NPS: variants seen among roughly 807,000 people sequenced by gnomAD.
NPS encodes the protein neuropeptide S, also known as prepro-neuropeptide S.
NPS carries 6 observed loss-of-function variants against 7.2 expected under a neutral mutation model. The observed-to-expected ratio is 0.83, with a 90% CI of 0.46 to 1.64. NPS has a LOEUF of 1.64. Ranked by LOEUF, NPS falls within the 40% of genes most tolerant of loss-of-function variation. The pLI is 0.01. For missense variants in NPS, 123 were observed against 97.8 expected (o/e 1.26, Z -1.09); for synonymous variants, 42 against 36.7 (o/e 1.14, Z -0.52).
rs771348423 is a variant in NPS at position 127,553,099 on chromosome 10, G to A, written c.*460G>A. On this transcript the variant is annotated 3_prime_UTR_variant, in exon 3 of 3. Coordinates refer to ENST00000398023, the MANE Select transcript of NPS (RefSeq NM_001030013.2). ...GATGTGCTATTTCTGTTTCTAAGGG[G>A]CTTGTGAAGTTAACCAAAATTAAGG... Among the ~76,000 whole-genome samples the A allele has an allele frequency of 2.6e-5, 4 of 151,996 alleles. No individual in the cohort carries two copies. The highest frequency in any genetic ancestry group is 5.9e-5 in the Non-Finnish European group (4 of 68,018).
Position 127,553,486 on chromosome 10 carries a change from G to T in NPS, c.*847G>T, listed in dbSNP as rs115658690. Reference sequence around the variant, plus strand: ...CACTCCTTTTTTAAAAGGATAATGCGACATTGGTTGACGTGTTATTTCAAA... The same window carrying T: ...CACTCCTTTTTTAAAAGGATAATGCTACATTGGTTGACGTGTTATTTCAAA... On this transcript the variant is annotated 3_prime_UTR_variant, in exon 3 of 3. Coordinates refer to ENST00000398023, the MANE Select transcript of NPS (RefSeq NM_001030013.2). Among the ~76,000 whole-genome samples the T allele has an allele frequency of 8.9e-4, 136 of 152,194 alleles. No homozygotes were observed. Among genetic ancestry groups the T allele is most frequent in the African/African-American group, 2.8e-3 (115 of 41,518 alleles).
At chr10:127,551,598 G>A (rs932780813) in intron 2 of NPS, among the ~76,000 whole-genome samples, 3 of 152,112 alleles carry the variant, frequency 2.0e-5, no homozygotes, top group Non-Finnish European at 1.5e-5. Context: ...TTGTTTAGGA[G>A]TAGGACAAGA....
chr10:127,551,250 A>AG (rs965379064), intron 2 of NPS, among the ~76,000 whole-genome samples: 3 of 126,300 alleles, frequency 2.4e-5, no homozygotes, highest in African/African-American at 1.1e-4. Context: ...GAGATGAAAA[A>AG]GGGGGGAAAA....
chr10:127,549,438 T>C (rs769737208), intron 1 of NPS, 51 bp from the exon 2 acceptor site: 1 of 1,586,892 alleles, frequency 6.3e-7, no homozygotes, highest in South Asian at 1.1e-5. Context: ...TTTTACTTAT[T>C]CTTGCCTACT....
intron 2 of NPS, among the ~76,000 whole-genome samples, chr10:127,551,405 G>A (rs549661643): frequency 1.4e-4 from 21 of 152,080 alleles, no homozygotes; most frequent in African/African-American, 4.8e-4. Context: ...ACAGTAACCT[G>A]AGACCACACT....
At chr10:127,550,934 G>A (rs1591157217) in intron 2 of NPS, among the ~76,000 whole-genome samples, 1 of 152,160 alleles carries the variant, frequency 6.6e-6, no homozygotes. Flanking sequence ...TGCCTTCGAC[G>A]ATCAGCAAAG....
Position 127,552,577 on chromosome 10 carries a change from T to C in NPS, c.208T>C (p.Ser70Pro). The C allele has an allele frequency of 6.2e-7, 1 of 1,613,584 alleles. No individual in the cohort carries two copies. The highest frequency in any genetic ancestry group is 8.5e-7 in the Non-Finnish European group (1 of 1,179,510). ...PILEKMFVKR[S>P]FRNGVGTGMK... ...TTTGGAGAAGATGTTTGTGAAAAGG[T>C]CCTTTCGCAATGGAGTTGGCACAGG... The change falls in exon 3 of 3, where the codon TCC (serine) becomes CCC (proline). Residue 70 changes from serine (S) to proline (P), a missense_variant. Coordinates refer to ENST00000398023, the MANE Select transcript of NPS (RefSeq NM_001030013.2).
rs1033576586 is a variant in NPS at position 127,553,271 on chromosome 10, T to A, written c.*632T>A. Among the ~76,000 whole-genome samples the A allele has an allele frequency of 1.3e-5, 2 of 152,144 alleles. No homozygotes were observed. The highest frequency in any genetic ancestry group is 4.8e-5 in the African/African-American group (2 of 41,444). On this transcript the variant is annotated 3_prime_UTR_variant, in exon 3 of 3. Transcript: ENST00000398023. ...TTGTTTTGTTGTCTTGTCTTGGAAATTTGTTGCCTTTTAAAATCTTTAAGC... is the reference window on the plus strand; with the variant it reads ...TTGTTTTGTTGTCTTGTCTTGGAAAATTGTTGCCTTTTAAAATCTTTAAGC...
At chr10:127,549,640 A>C in intron 2 of NPS, 70 bp downstream of exon 2, 1 of 933,134 alleles carries the variant, frequency 1.1e-6, no homozygotes, top group Non-Finnish European at 1.8e-6. Flanking sequence ...AATTCCAAAT[A>C]CTTTCAAGGA....
intron 2 of NPS, among the ~76,000 whole-genome samples, chr10:127,551,870 G>C (rs1040139854): frequency 6.6e-6 from 1 of 152,164 alleles, no homozygotes; most frequent in Non-Finnish European, 1.5e-5. Flanking sequence ...TTGAACTTCA[G>C]GTTCCTGAAG....
In NPS at chr10:127,552,608, A is replaced by G. The variant is rs747486262; in HGVS notation, c.239A>G (p.Lys80Arg). The G allele has an allele frequency of 1.4e-5, 23 of 1,613,658 alleles. No individual in the cohort carries two copies. The South Asian group carries it at 2.3e-4, about 16-fold the overall frequency. The change falls in exon 3 of 3, where the codon AAA becomes AGA. Residue 80 changes from lysine to arginine, a missense_variant. Coordinates refer to ENST00000398023, the MANE Select transcript of NPS (RefSeq NM_001030013.2). ...SFRNGVGTGM[K>R]KTSFQRAKS ...CGCAATGGAGTTGGCACAGGGATGA[A>G]AAAAACTTCCTTTCAAAGAGCAAAA...
intron 2 of NPS, among the ~76,000 whole-genome samples, chr10:127,551,684 C>T (rs139417493): frequency 6.6e-6 from 1 of 152,284 alleles, no homozygotes; most frequent in African/African-American, 2.4e-5. Flanking sequence ...TTTGTATTAG[C>T]ATCTTATCAG....
intron 2 of NPS, among the ~76,000 whole-genome samples, chr10:127,550,852 G>A (rs1360877091): frequency 2.0e-5 from 3 of 152,230 alleles, no homozygotes; most frequent in East Asian, 3.9e-4. Context: ...TATTTGTTGC[G>A]AACTTCACTG....
Position 127,552,645 on chromosome 10 carries a change from T to G in NPS, c.*6T>G, listed in dbSNP as rs201472687. 1 of 1,597,622 alleles carries G rather than the reference T, an allele frequency of 6.3e-7. No individual in the cohort carries two copies. The highest frequency in any genetic ancestry group is 1.3e-5 in the African/African-American group (1 of 74,684). ...TTCAAAGAGCAAAATCATGACTAAG[T>G]GTGCAAAGGACTCGGGGAATTAATC... On this transcript the variant is annotated 3_prime_UTR_variant, in exon 3 of 3. Transcript: ENST00000398023.
intron 2 of NPS, among the ~76,000 whole-genome samples, chr10:127,551,793 C>A (rs1363212494): frequency 4.6e-5 from 7 of 152,168 alleles, no homozygotes; most frequent in Non-Finnish European, 8.8e-5. Flanking sequence ...TTGGAATCTC[C>A]AGCCCTGTCA....
In NPS at chr10:127,550,996, T is replaced by C. The variant is rs186661786; in HGVS notation, c.90+1426T>C. Among the ~76,000 whole-genome samples the C allele has an allele frequency of 4.6e-4, 70 of 152,308 alleles. 3 individuals are homozygous for C. The highest frequency in any genetic ancestry group is 1.6e-3 in the African/African-American group (65 of 41,578). On this transcript the variant is annotated intron_variant, in intron 2 of 2. Coordinates refer to ENST00000398023, the MANE Select transcript of NPS (RefSeq NM_001030013.2). ...TCAGGAATCTCATAACCAGAACTGA[T>C]ACATTCCTTTTGCAGTATAAAGGTG...
chr10:127,552,578 C>T lies in NPS; in HGVS notation c.209C>T (p.Ser70Phe), dbSNP rs780005663. ...PILEKMFVKR[S>F]FRNGVGTGMK... ...TTGGAGAAGATGTTTGTGAAAAGGTCCTTTCGCAATGGAGTTGGCACAGGG... is the reference window on the plus strand; with the variant it reads ...TTGGAGAAGATGTTTGTGAAAAGGTTCTTTCGCAATGGAGTTGGCACAGGG... Residue 70 changes from serine (S) to phenylalanine (F), a missense_variant, in exon 3 of 3, where the codon TCC (serine) becomes TTC (phenylalanine). Physicochemically the swap from Ser to Phe is radical, Grantham distance 155. Coordinates refer to ENST00000398023, the MANE Select transcript of NPS (RefSeq NM_001030013.2). The T allele has an allele frequency of 6.8e-6, 11 of 1,613,562 alleles. No homozygotes were observed. The highest frequency in any genetic ancestry group is 9.3e-6 in the Non-Finnish European group (11 of 1,179,642).
rs1844870847 is a variant in NPS, at chr10:127,552,801, A to T, written c.*162A>T. ...AGTAAATTGAGTAAAAAAAGAAAAA[A>T]AATGTAAACATGTCTCAAACCTGTC... On this transcript the variant is annotated 3_prime_UTR_variant, in exon 3 of 3. Transcript: ENST00000398023. 6.6e-6 allele frequency among the ~76,000 whole-genome samples: 1 copy of T among 152,174 alleles called. No homozygotes were observed. Among genetic ancestry groups the T allele is most frequent in the South Asian group, 2.1e-4 (1 of 4,824 alleles).
chr10:127,550,121 C>G (rs752838431), intron 2 of NPS, among the ~76,000 whole-genome samples: 54 of 152,198 alleles, frequency 3.5e-4, no homozygotes, highest in Admixed American at 1.5e-3. Flanking sequence ...ATTATTTCTA[C>G]ATAATATTTC....
Sources: gnomAD v4.1 joint callset for allele counts (sites outside exome capture counted in the v4.1 genomes callset) on GRCh38, gnomAD v4.1.1 for gene constraint, MANE v1.5 for transcripts, NCBI Gene and HGNC (gene_info 2026-07-23, HGNC 2026-07-21) for gene names.